MMP2: variants seen among roughly 807,000 people sequenced by gnomAD.
MMP2 encodes matrix metallopeptidase 2.
A neutral mutation model predicts 74.8 loss-of-function variants in MMP2; 39 were observed. That is an observed-to-expected ratio of 0.52 (90% CI 0.40 to 0.68). The LOEUF is 0.68. Ranked by LOEUF, MMP2 falls within the 30% of genes least tolerant of loss-of-function variation. MMP2 has a pLI of 0.00. For synonymous variants in MMP2, 367 were observed against 339.8 expected (o/e 1.08, Z -0.88); for missense variants, 803 against 878.3 (o/e 0.91, Z 1.08).
chr16:55,485,882 G>T (rs544893627), intron 5 of MMP2, 105 bp downstream of exon 5: 4 of 1,204,052 alleles, frequency 3.3e-6, no homozygotes, highest in African/African-American at 1.5e-5. Context: ...GGCTGCCACT[G>T]CCAGTTAATG....
In MMP2 at chr16:55,496,821, T is replaced by C. The variant is rs933175206; in HGVS notation, c.1473-105T>C. 8.8e-6 allele frequency: 13 copies of C among 1,483,614 alleles called. No homozygotes were observed. In the East Asian group the frequency reaches 1.4e-4, roughly 16 times the overall value. 91.9% of individuals were successfully genotyped at this position (1,483,614 alleles called of 1,614,324 possible). A position where few individuals can be genotyped will look rare whatever the true frequency, so the allele number is the denominator to read the frequency against. On this transcript the variant is annotated intron_variant, in intron 9 of 12. Transcript: ENST00000219070. Reference sequence around the variant, plus strand: ...TTGATCCTGCCTCCCACTCCCATCATGGAATCATCTCTGGGATGTTTCTGG... The same window carrying C: ...TTGATCCTGCCTCCCACTCCCATCACGGAATCATCTCTGGGATGTTTCTGG...
In MMP2 at chr16:55,497,002, C is replaced by T; in HGVS notation, c.1549C>T (p.Pro517Ser). The change falls in exon 10 of 13, where the codon CCG (proline) becomes TCG (serine). Residue 517 changes from proline to serine, a missense_variant. By Grantham distance (74) the Pro-to-Ser change is moderately conservative. This residue lies in a region of MMP2 where 555 missense variants were observed against 592.0 expected (regional missense o/e 0.94). Transcript: ENST00000219070. ...GGTGGCCACATTCTGGCCTGAGCTC[C>T]CGGAAAAGATTGATGCGGTATACGA... ...LLVATFWPEL[P>S]EKIDAVYEAP... is the part of the protein sequence containing the mutation. 6.2e-7 allele frequency: 1 copy of T among 1,614,148 alleles called. No homozygotes were observed. Among genetic ancestry groups the T allele is most frequent in the Non-Finnish European group, 8.5e-7 (1 of 1,180,038 alleles).
At chr16:55,479,920 C>T (rs1962054021) in intron 1 of MMP2, 1 of 380,304 alleles carries the variant, frequency 2.6e-6, no homozygotes, top group African/African-American at 2.4e-5. Flanking sequence ...TGGCAAACTA[C>T]TGGAAAGGGA....
chr16:55,497,750 TGGG>T (rs1271638409), intron 10 of MMP2, among the ~76,000 whole-genome samples: 2 of 152,200 alleles, frequency 1.3e-5, no homozygotes, highest in African/African-American at 4.8e-5. Context: ...TGCCATACCC[TGGG>T]GATACAAGCT....
At chr16:55,493,589 A>C (rs1390497834) in intron 9 of MMP2, among the ~76,000 whole-genome samples, 1 of 152,228 alleles carries the variant, frequency 6.6e-6, no homozygotes, top group Non-Finnish European at 1.5e-5. Flanking sequence ...TACTCATGGC[A>C]GATGACAGGG....
intron 10 of MMP2, 92 bp from the exon 11 acceptor site, chr16:55,498,197 C>T: frequency 6.5e-7 from 1 of 1,528,016 alleles, no homozygotes; most frequent in Non-Finnish European, 9.0e-7. Flanking sequence ...GGAATGGCTG[C>T]AGTGGGGCCC....
At chr16:55,503,376 A>T (rs1336740659) in intron 12 of MMP2, among the ~76,000 whole-genome samples, 1 of 152,186 alleles carries the variant, frequency 6.6e-6, no homozygotes, top group Non-Finnish European at 1.5e-5. Flanking sequence ...CACAACCAGT[A>T]GCAGCGAGGG....
In MMP2 at chr16:55,488,611, T is replaced by C; in HGVS notation, c.901T>C (p.Ser301Pro). The C allele has an allele frequency of 6.2e-7, 1 of 1,613,848 alleles. No individual in the cohort carries two copies. Among genetic ancestry groups the C allele is most frequent in the South Asian group, 1.1e-5 (1 of 91,026 alleles). ...GTTTCCATTCCGCTTCCAGGGCACA[T>C]CCTATGACAGCTGCACCACTGAGGG... The part of the protein sequence containing the change: ...CKFPFRFQGT[S>P]YDSCTTEGRT... Residue 301 changes from serine (S) to proline (P), a missense_variant, in exon 6 of 13, where the codon TCC becomes CCC. By Grantham distance (74) the Ser-to-Pro change is moderately conservative (BLOSUM62 -1). This residue lies in a region of MMP2 where 555 missense variants were observed against 592.0 expected (regional missense o/e 0.94). Coordinates refer to ENST00000219070, the MANE Select transcript of MMP2 (RefSeq NM_004530.6).
At chr16:55,488,407 C>G (rs956263601) in intron 5 of MMP2, 136 bp from the exon 6 acceptor site, 4 of 889,690 alleles carry the variant, frequency 4.5e-6, no homozygotes, top group African/African-American at 3.3e-5. Context: ...TCCTTACCAA[C>G]CAGTAGAGAT....
Position 55,498,448 on chromosome 16 carries a change from G to A in MMP2, c.1769G>A (p.Arg590Lys). The A allele has an allele frequency of 6.2e-7, 1 of 1,614,192 alleles. No homozygotes were observed. The highest frequency in any genetic ancestry group is 8.5e-7 in the Non-Finnish European group (1 of 1,180,022). ...TYIFAGDKFW[R>K]YNEVKKKMDP... Reference sequence around the variant, plus strand: ...ATCTTTGCTGGAGACAAATTCTGGAGGTAAGGGAGGGCGGTGGGTAGGACA... The same window carrying A: ...ATCTTTGCTGGAGACAAATTCTGGAAGTAAGGGAGGGCGGTGGGTAGGACA... Residue 590 changes from arginine (R) to lysine (K), a missense_variant and splice_region_variant, in exon 11 of 13, where the codon AGA becomes AAA. Physicochemically the swap from Arg to Lys is conservative, Grantham distance 26 (BLOSUM62 2). Coordinates refer to ENST00000219070, the MANE Select transcript of MMP2 (RefSeq NM_004530.6).
At chr16:55,492,695 A>G (rs1450015986) in intron 8 of MMP2, among the ~76,000 whole-genome samples, 1 of 152,036 alleles carries the variant, frequency 6.6e-6, no homozygotes, top group Non-Finnish European at 1.5e-5. Flanking sequence ...GATATTGTGT[A>G]AGTCTTTATA....
rs1431774969 is a variant in MMP2 at position 55,506,180 on chromosome 16, C to T, written c.*738C>T. The T allele has an allele frequency of 3.3e-5, 5 of 152,470 alleles. No homozygotes were observed. The highest frequency in any genetic ancestry group is 9.6e-5 in the African/African-American group (4 of 41,456). 9.4% of individuals were successfully genotyped at this position (152,470 alleles called of 1,614,324 possible). A position where few individuals can be genotyped will look rare whatever the true frequency, so the allele number is the denominator to read the frequency against. On this transcript the variant is annotated 3_prime_UTR_variant, in exon 13 of 13. Transcript: ENST00000219070. ...CCCGCTCAGCCCTCCCTGCCCCTCC[C>T]TTCAACCATTCCCCATGGGAAATGT...
Position 55,502,325 on chromosome 16 carries a change from G to A in MMP2, c.1770-454G>A, listed in dbSNP as rs17859997. On this transcript the variant is annotated intron_variant, in intron 11 of 12. Transcript: ENST00000219070. ...CTCGGATTACAGCAGGGATTTGTTT[G>A]TAAGGGAGCTAACATTTCTTAAGTA... Among the ~76,000 whole-genome samples, 1,051 of 152,294 alleles carry A rather than the reference G, an allele frequency of 6.9e-3. 14 individuals carry two copies. The highest frequency in any genetic ancestry group is 0.031 in the South Asian group (149 of 4,818).
At chr16:55,495,594 A>C (rs923507659) in intron 9 of MMP2, among the ~76,000 whole-genome samples, 1 of 152,196 alleles carries the variant, frequency 6.6e-6, no homozygotes, top group African/African-American at 2.4e-5. Context: ...AAGTAATTTG[A>C]ATCCTAACCT....
At chr16:55,482,759 C>T (rs1962136474) in intron 1 of MMP2, 150 bp from the exon 2 acceptor site, 1 of 707,474 alleles carries the variant, frequency 1.4e-6, no homozygotes, top group South Asian at 1.6e-5. Flanking sequence ...TTTGGGAACC[C>T]AGTACTCCAC....
At chr16:55,492,890 T>C (rs1434115548) in intron 8 of MMP2, among the ~76,000 whole-genome samples, 3 of 152,140 alleles carry the variant, frequency 2.0e-5, no homozygotes, top group Admixed American at 6.5e-5. Flanking sequence ...TTTCCTCACC[T>C]GTGAAATGGT....
chr16:55,491,997 G>A lies in MMP2; in HGVS notation c.1336+41G>A, dbSNP rs199541167. 1.0e-4 allele frequency: 146 copies of A among 1,406,968 alleles called. 1 individual carries two copies. The African/African-American group carries it at 1.8e-3, about 18-fold the overall frequency. 87.2% of individuals were successfully genotyped at this position (1,406,968 alleles called of 1,614,324 possible). The stretch of plus-strand genomic sequence containing the variant: ...GGGGTTGGGGGTGGAGGGTGAGGAG[G>A]GGGGAGGTCATGTAGCCTGGGATGG... On this transcript the variant is annotated intron_variant, in intron 8 of 12. Coordinates refer to ENST00000219070, the MANE Select transcript of MMP2 (RefSeq NM_004530.6).
Position 55,488,725 on chromosome 16 carries a change from C to T in MMP2, c.1006+9C>T, listed in dbSNP as rs1416627960. On this transcript the variant is annotated intron_variant, in intron 6 of 12. Transcript: ENST00000219070. ...CTTCTGCCCTGAGACCGGTGGGTGC[C>T]ACTCCCTCTCCCTCCCTCAGGGCCC... is the stretch of plus-strand genomic sequence containing the variant. 6.3e-7 allele frequency: 1 copy of T among 1,585,570 alleles called. No homozygotes were observed. The highest frequency in any genetic ancestry group is 8.6e-7 in the Non-Finnish European group (1 of 1,168,068).
chr16:55,478,969 AGT>A, upstream of MMP2: 3 of 152,554 alleles, frequency 2.0e-5, no homozygotes, highest in Middle Eastern at 0.01. Context: ...GAGAGAGGCA[AGT>A]GGGGTGACGA....
Sources: gnomAD v4.1 joint callset for allele counts (sites outside exome capture counted in the v4.1 genomes callset) on GRCh38, gnomAD v4.1.1 for gene constraint, gnomAD v4.1.1 regional missense constraint, MANE v1.5 for transcripts, NCBI Gene and HGNC (gene_info 2026-07-23, HGNC 2026-07-21) for gene names.